PTPRA: variants seen among roughly 807,000 people sequenced by gnomAD.
PTPRA encodes receptor-type tyrosine-protein phosphatase alpha.
A neutral mutation model predicts 104.8 loss-of-function variants in PTPRA; 25 were observed. The ratio of observed to expected loss-of-function variants is 0.24; its 90% CI spans 0.17 to 0.33. The LOEUF (loss-of-function observed/expected upper bound fraction) is 0.33, where lower values mean the gene tolerates loss of function less well. PTPRA is among the 10% of genes least tolerant of loss of function. PTPRA has a pLI of 1.00. For synonymous variants in PTPRA, 323 were observed against 368.9 expected (o/e 0.88, Z 1.43); for missense variants, 765 against 1,015.3 (o/e 0.75, Z 3.35).
intron 1 of PTPRA, among the ~76,000 whole-genome samples, chr20:2,896,148 G>A (rs2058989504): frequency 6.6e-6 from 1 of 152,110 alleles, no homozygotes; most frequent in African/African-American, 2.4e-5. Flanking sequence ...GCTGAGGCAG[G>A]GGGATCACTT....
chr20:2,879,092 T>A (rs1316858780), intron 1 of PTPRA, among the ~76,000 whole-genome samples: 1 of 152,192 alleles, frequency 6.6e-6, no homozygotes, highest in Non-Finnish European at 1.5e-5. Context: ...TTTAGGTTAG[T>A]GCAGTAGACA....
At chr20:3,014,021 A>T (rs555832397) in intron 11 of PTPRA, among the ~76,000 whole-genome samples, 1 of 152,344 alleles carries the variant, frequency 6.6e-6, no homozygotes, top group South Asian at 2.1e-4. Context: ...CAGGCTGTTC[A>T]GGGCCCGCAT....
intron 1 of PTPRA, among the ~76,000 whole-genome samples, chr20:2,907,284 A>AGG (rs2059460865): frequency 6.6e-6 from 1 of 151,938 alleles, no homozygotes; most frequent in South Asian, 2.1e-4. Context: ...GTTGTGAAAA[A>AGG]TTTCAATCTC....
chr20:3,035,495 G>T lies in PTPRA; in HGVS notation c.1921-90G>T. 1 of 1,438,328 alleles carries T rather than the reference G, an allele frequency of 7.0e-7. No individual in the cohort carries two copies. The highest frequency in any genetic ancestry group is 9.6e-7 in the Non-Finnish European group (1 of 1,042,452). The allele number at this position is 1,438,328 out of a possible 1,614,324, so 89.1% of individuals were successfully genotyped here. A position where few individuals can be genotyped will look rare whatever the true frequency, so the allele number is the denominator to read the frequency against. ...AAGCGTATCAGCGTAAGAGGTGGCT[G>T]TACTGAGAGGGGTCAGGCTGCTCGT... On this transcript the variant is annotated intron_variant, in intron 20 of 23. Coordinates refer to ENST00000399903, the MANE Select transcript of PTPRA (RefSeq NM_001385305.1). This position sits in a 1 kb window ranked among gnomAD's most constrained non-coding sequence, Gnocchi z 5.8.
At chr20:3,036,666 G>C (rs890678230) in intron 22 of PTPRA, among the ~76,000 whole-genome samples, 1 of 152,260 alleles carries the variant, frequency 6.6e-6, no homozygotes, top group African/African-American at 2.4e-5. Flanking sequence ...TCAGTGTCTG[G>C]TGAGTGAATC....
intron 2 of PTPRA, among the ~76,000 whole-genome samples, chr20:2,936,343 A>G (rs1200546422): frequency 2.6e-5 from 4 of 151,484 alleles, no homozygotes; most frequent in Non-Finnish European, 5.9e-5. Flanking sequence ...TTCTTTTTTT[A>G]ATAGAGACAG....
rs553843854 is a variant in PTPRA, at chr20:2,895,073, T to C, written c.-129+21313T>C. On this transcript the variant is annotated intron_variant, in intron 1 of 23. Transcript: ENST00000399903. The stretch of plus-strand genomic sequence containing the variant: ...GCCTAAATAACTATACTATTACTTG[T>C]TATTTATTTATTTATTTATTTTAGA... Among the ~76,000 whole-genome samples, 35 of 150,066 alleles carry C rather than the reference T, an allele frequency of 2.3e-4. No homozygotes were observed. In the South Asian group the frequency reaches 7.1e-3, roughly 30 times the overall value.
At chr20:2,951,182 C>T (rs576796221) in intron 3 of PTPRA, among the ~76,000 whole-genome samples, 4 of 152,264 alleles carry the variant, frequency 2.6e-5, no homozygotes, top group South Asian at 2.1e-4. Flanking sequence ...TTACTGCCAG[C>T]TCCGACTCCG....
rs138028158 is a variant in PTPRA, at chr20:3,027,726, C to G, written c.1805C>G (p.Ser602Cys). 4.4e-4 allele frequency: 710 copies of G among 1,614,052 alleles called. No homozygotes were observed. The highest frequency in any genetic ancestry group is 5.6e-4 in the Non-Finnish European group (657 of 1,179,990). ...SFIDGYRQKD[S>C]YIASQGPLLH... ...GTGCAGGGCTACCGGCAGAAGGACT[C>G]CTATATCGCCAGCCAGGGCCCTCTT... Residue 602 changes from serine to cysteine, a missense_variant, in exon 20 of 24, where the codon TCC (serine) becomes TGC (cysteine). Coordinates refer to ENST00000399903, the MANE Select transcript of PTPRA (RefSeq NM_001385305.1).
At chr20:3,026,927 G>A (rs2065174410) in intron 18 of PTPRA, 147 bp downstream of exon 18, 11 of 907,862 alleles carry the variant, frequency 1.2e-5, no homozygotes, top group South Asian at 6.4e-5. Context: ...ACAACATGGC[G>A]TTGCCTTTTG....
rs548859077 is a variant in PTPRA, at chr20:3,023,633, A to G, written c.1464+809A>G. ...ATTTATGACACAGAGTCCTTTGCTC[A>G]CATGTTTTTCTGCTGACCCTCTGCC... On this transcript the variant is annotated intron_variant, in intron 16 of 23. Transcript: ENST00000399903. Among the ~76,000 whole-genome samples, 12 of 152,252 alleles carry G rather than the reference A, an allele frequency of 7.9e-5. No individual in the cohort carries two copies. In the East Asian group the frequency reaches 2.1e-3, roughly 27 times the overall value.
At chr20:3,014,080 G>A (rs1234995708) in intron 11 of PTPRA, among the ~76,000 whole-genome samples, 1 of 152,170 alleles carries the variant, frequency 6.6e-6, no homozygotes, top group South Asian at 2.1e-4. Context: ...GGAATATGAT[G>A]CGCTTAACGT....
At position 3,027,694 on chromosome 20, in the gene PTPRA, C is replaced by T; in HGVS notation, c.1786-13C>T. The T allele has an allele frequency of 6.2e-7, 1 of 1,612,910 alleles. No individual in the cohort carries two copies. The highest frequency in any genetic ancestry group is 8.5e-7 in the Non-Finnish European group (1 of 1,179,570). On this transcript the variant is annotated splice_polypyrimidine_tract_variant and intron_variant, in intron 19 of 23. Transcript: ENST00000399903. Reference sequence around the variant, plus strand: ...AAACCATCTCACCCTTGCAATTAACCTGGCCTGTGCAGGGCTACCGGCAGA... The same window carrying T: ...AAACCATCTCACCCTTGCAATTAACTTGGCCTGTGCAGGGCTACCGGCAGA...
chr20:2,960,664 A>G (rs1469579771), intron 3 of PTPRA, among the ~76,000 whole-genome samples: 1 of 151,628 alleles, frequency 6.6e-6, no homozygotes, highest in African/African-American at 2.4e-5. Flanking sequence ...AGCCTCCTAA[A>G]TAGCTGAGAC....
chr20:2,961,226 T>C (rs1388579135), intron 3 of PTPRA, among the ~76,000 whole-genome samples: 1 of 152,226 alleles, frequency 6.6e-6, no homozygotes, highest in East Asian at 1.9e-4. Flanking sequence ...CCAAAGTGGA[T>C]GTACCATTTT....
Position 3,022,300 on chromosome 20 carries a change from T to A in PTPRA, c.1328+80T>A, listed in dbSNP as rs537578287. On this transcript the variant is annotated intron_variant, in intron 15 of 23. Coordinates refer to ENST00000399903, the MANE Select transcript of PTPRA (RefSeq NM_001385305.1). The surrounding 1 kb of genome is among the most constrained non-coding windows in gnomAD (Gnocchi z 4.6). ...GAGCAGGGGAACAGCACAAGGGCCCTGGCTGAGGAGGCTGGCACAGAGTAG... is the reference window on the plus strand; with the variant it reads ...GAGCAGGGGAACAGCACAAGGGCCCAGGCTGAGGAGGCTGGCACAGAGTAG... 1 of 1,521,300 alleles carries A rather than the reference T, an allele frequency of 6.6e-7. No individual in the cohort carries two copies. The highest frequency in any genetic ancestry group is 9.0e-7 in the Non-Finnish European group (1 of 1,114,642). 94.2% of individuals were successfully genotyped at this position (1,521,300 alleles called of 1,614,324 possible). A position where few individuals can be genotyped will look rare whatever the true frequency, so the allele number is the denominator to read the frequency against.
At chr20:2,949,453 T>A (rs2061277969) in intron 3 of PTPRA, among the ~76,000 whole-genome samples, 1 of 152,004 alleles carries the variant, frequency 6.6e-6, no homozygotes, top group African/African-American at 2.4e-5. Flanking sequence ...TTTTAATTTC[T>A]TTTTCTTTTT....
chr20:2,954,628 A>AT (rs2061472534), intron 3 of PTPRA, among the ~76,000 whole-genome samples: 2 of 152,110 alleles, frequency 1.3e-5, no homozygotes, highest in South Asian at 4.1e-4. Context: ...ATTGGCATAC[A>AT]TTTTTTCCCA....
intron 6 of PTPRA, among the ~76,000 whole-genome samples, chr20:2,981,729 C>T (rs1001288131): frequency 2.0e-5 from 3 of 152,126 alleles, no homozygotes; most frequent in African/African-American, 7.2e-5. Context: ...GGTTGGCAGG[C>T]CTTTGCTTAA....
Sources: allele counts gnomAD v4.1 joint callset (sites outside exome capture counted in the v4.1 genomes callset), GRCh38; gene constraint gnomAD v4.1.1; non-coding constraint Gnocchi (gnomAD v3.1); transcripts MANE v1.5; gene names NCBI Gene and HGNC (gene_info 2026-07-23, HGNC 2026-07-21).